RHBDL3: variants seen among roughly 807,000 people sequenced by gnomAD.
The protein encoded by RHBDL3 is rhomboid-related protein 3.
Under a neutral mutation model 48.2 loss-of-function variants are expected in RHBDL3, and 28 were observed. The observed-to-expected ratio is 0.58, with a 90% confidence interval of 0.43 to 0.80. The LOEUF (loss-of-function observed/expected upper bound fraction) is 0.80. RHBDL3 is among the 30% of genes least tolerant of loss of function. The probability of loss-of-function intolerance (pLI) is 0.00; values close to 1 mark genes in which losing one functional copy is unlikely to be tolerated. For missense variants in RHBDL3, 464 were observed against 542.7 expected (o/e 0.85, Z 1.44); for synonymous variants, 208 against 232.3 (o/e 0.90, Z 0.95).
chr17:32,317,451 A>G (rs1346993441), intron 8 of RHBDL3, among the ~76,000 whole-genome samples: 1 of 152,166 alleles, frequency 6.6e-6, no homozygotes, highest in Non-Finnish European at 1.5e-5. Context: ...TCAGGGCCCT[A>G]GTTGGGAGAG....
chr17:32,270,380 T>G (rs2039745432), intron 2 of RHBDL3, among the ~76,000 whole-genome samples: 1 of 151,702 alleles, frequency 6.6e-6, no homozygotes, highest in South Asian at 2.1e-4. Flanking sequence ...TTCCAGGTGT[T>G]AGGGATGGAT....
intron 1 of RHBDL3, 76 bp downstream of exon 1, chr17:32,266,376 C>T (rs2039630814): frequency 2.6e-6 from 2 of 755,790 alleles, no homozygotes; most frequent in African/African-American, 1.9e-5. Flanking sequence ...TCGCCCCACG[C>T]CGGGCAACTT....
At chr17:32,273,329 A>G (rs2039819823) in intron 2 of RHBDL3, among the ~76,000 whole-genome samples, 1 of 152,214 alleles carries the variant, frequency 6.6e-6, no homozygotes, top group South Asian at 2.1e-4. Flanking sequence ...AAATGAGGAA[A>G]CAGAAGTCAG....
intron 2 of RHBDL3, among the ~76,000 whole-genome samples, chr17:32,270,811 T>G (rs2039754388): frequency 6.6e-6 from 1 of 152,214 alleles, no homozygotes; most frequent in African/African-American, 2.4e-5. Flanking sequence ...CTTTTCATAT[T>G]TTGGAGATCT....
chr17:32,293,773 A>G (rs543843696), intron 4 of RHBDL3, among the ~76,000 whole-genome samples: 2 of 150,722 alleles, frequency 1.3e-5, no homozygotes, highest in Admixed American at 6.6e-5. Context: ...AAGAGACCCC[A>G]GGACCATGTT....
intron 7 of RHBDL3, among the ~76,000 whole-genome samples, chr17:32,306,477 C>A (rs1446768208): frequency 6.6e-6 from 1 of 152,186 alleles, no homozygotes; most frequent in African/African-American, 2.4e-5. Context: ...GGGCACCACT[C>A]CATTTCTCAC....
chr17:32,274,106 T>C (rs779636482), intron 2 of RHBDL3, among the ~76,000 whole-genome samples: 6 of 152,208 alleles, frequency 3.9e-5, no homozygotes, highest in Non-Finnish European at 7.3e-5. Context: ...GGCTGCCTGC[T>C]TTAGGGGAGA....
intron 7 of RHBDL3, among the ~76,000 whole-genome samples, chr17:32,314,652 C>T (rs1224721762): frequency 6.6e-6 from 1 of 152,166 alleles, no homozygotes; most frequent in Non-Finnish European, 1.5e-5. Flanking sequence ...TTGTTGGCTA[C>T]TTGGCAGTGG....
intron 3 of RHBDL3, among the ~76,000 whole-genome samples, chr17:32,285,301 C>A (rs764975888): frequency 2.0e-5 from 3 of 152,152 alleles, no homozygotes; most frequent in Non-Finnish European, 4.4e-5. Context: ...TTAAATCAAT[C>A]ATTGCCCCAC....
intron 5 of RHBDL3, among the ~76,000 whole-genome samples, chr17:32,296,780 ATTTTAT>A (rs961645393): frequency 3.0e-5 from 1 of 33,286 alleles, no homozygotes; most frequent in African/African-American, 1.1e-4. Context: ...GCTCTTTTTT[ATTTTAT>A]TTTATTTTAT....
rs201455379 is a variant in RHBDL3 at position 32,305,431 on chromosome 17, A to G, written c.872A>G (p.Asn291Ser). ...VYALVSAHLA[N>S]IVMNWSGMKC... Reference sequence around the variant, plus strand: ...GCTCTCGTCTCTGCCCATCTGGCCAACATTGTCATGGTGAGCACCTCCCGT... The same window carrying G: ...GCTCTCGTCTCTGCCCATCTGGCCAGCATTGTCATGGTGAGCACCTCCCGT... The change falls in exon 7 of 9, where the codon AAC (asparagine) becomes AGC (serine). Residue 291 changes from asparagine to serine, a missense_variant. Physicochemically the swap from Asn to Ser is conservative, Grantham distance 46. Coordinates refer to ENST00000269051, the MANE Select transcript of RHBDL3 (RefSeq NM_138328.3). 1 of 1,609,018 alleles carries G rather than the reference A, an allele frequency of 6.2e-7. No individual in the cohort carries two copies. Among genetic ancestry groups the G allele is most frequent in the Non-Finnish European group, 8.5e-7 (1 of 1,175,390 alleles).
chr17:32,319,959 T>A (rs376158271), intron 8 of RHBDL3, among the ~76,000 whole-genome samples: 3 of 152,182 alleles, frequency 2.0e-5, no homozygotes, highest in East Asian at 3.9e-4. Flanking sequence ...GGATTGGTGA[T>A]CAGGATGAAG....
chr17:32,297,267 A>C (rs2040473009), intron 5 of RHBDL3, among the ~76,000 whole-genome samples: 1 of 150,242 alleles, frequency 6.7e-6, no homozygotes, highest in Non-Finnish European at 1.5e-5. Context: ...CAGGAGTTCG[A>C]GACCAGCCTG....
At chr17:32,267,154 A>C (rs2039652223) in intron 1 of RHBDL3, among the ~76,000 whole-genome samples, 1 of 152,128 alleles carries the variant, frequency 6.6e-6, no homozygotes, top group South Asian at 2.1e-4. Context: ...CCCCCAACCC[A>C]CACAACGAAA....
chr17:32,294,209 G>T, intron 4 of RHBDL3, 85 bp from the exon 5 acceptor site: 1 of 1,142,598 alleles, frequency 8.8e-7, no homozygotes, highest in Non-Finnish European at 1.3e-6. Context: ...ATAACTTCCT[G>T]TAGGGACTCC....
At chr17:32,272,796 C>T (rs985651972) in intron 2 of RHBDL3, among the ~76,000 whole-genome samples, 5 of 152,218 alleles carry the variant, frequency 3.3e-5, no homozygotes, top group Non-Finnish European at 5.9e-5. Context: ...TAGATACACA[C>T]GTTTGAGCGA....
rs529470087 is a variant in RHBDL3 at position 32,284,181 on chromosome 17, CA to C, written c.136-477del. The stretch of plus-strand genomic sequence containing the variant: ...GTGGGAGGGGCCATGGGAGGGCGGC[CA>C]GGGGCAGAAGGACTTGCAAGGCAGT... On this transcript the variant is annotated intron_variant, in intron 2 of 8. Coordinates refer to ENST00000269051, the MANE Select transcript of RHBDL3 (RefSeq NM_138328.3). 461 of 153,794 alleles carry C rather than the reference CA, an allele frequency of 3.0e-3. 1 individual carries two copies. The highest frequency in any genetic ancestry group is 3.7e-3 in the Non-Finnish European group (259 of 69,106). The allele number at this position is 153,794 out of a possible 1,614,324, so 9.5% of individuals were successfully genotyped here. A position where few individuals can be genotyped will look rare whatever the true frequency, so the allele number is the denominator to read the frequency against.
In RHBDL3 at chr17:32,270,875, CTGT is replaced by C. The variant is rs2039756167; in HGVS notation, c.135+2955_135+2957del. Reference sequence around the variant, plus strand: ...TTTAAAATTTACCATAAATATTAGTCTGTTGTTATAGTATAATATCGTAGTAAA... The same window carrying C: ...TTTAAAATTTACCATAAATATTAGTCTGTTATAGTATAATATCGTAGTAAA... On this transcript the variant is annotated intron_variant, in intron 2 of 8. Coordinates refer to ENST00000269051, the MANE Select transcript of RHBDL3 (RefSeq NM_138328.3). 5.3e-5 allele frequency among the ~76,000 whole-genome samples: 8 copies of C among 152,206 alleles called. No homozygotes were observed. In the South Asian group the frequency reaches 1.7e-3, roughly 32 times the overall value.
rs2039625431 is a variant in RHBDL3 at position 32,266,265 on chromosome 17, G to A, written c.76G>A (p.Glu26Lys). 7 of 1,467,784 alleles carry A rather than the reference G, an allele frequency of 4.8e-6. No individual in the cohort carries two copies. The highest frequency in any genetic ancestry group is 6.3e-6 in the Non-Finnish European group (7 of 1,116,882). 90.9% of individuals were successfully genotyped at this position (1,467,784 alleles called of 1,614,324 possible). A position where few individuals can be genotyped will look rare whatever the true frequency, so the allele number is the denominator to read the frequency against. Residue 26 changes from glutamate to lysine, a missense_variant, in exon 1 of 9, where the codon GAG becomes AAG. By Grantham distance (56) the Glu-to-Lys change is moderately conservative (BLOSUM62 1). Transcript: ENST00000269051. The stretch of plus-strand genomic sequence containing the variant: ...GGAGCGCATCGAGGAGCTGGAACCC[G>A]AGGCCGAGGAGCGGCTGCCCGCGGC... ...EAERIEELEPEAEERLPAAPE... is the reference protein window; with the variant it reads ...EAERIEELEPKAEERLPAAPE...
Sources: allele counts gnomAD v4.1 joint callset (sites outside exome capture counted in the v4.1 genomes callset), GRCh38; gene constraint gnomAD v4.1.1; transcripts MANE v1.5; gene names NCBI Gene and HGNC (gene_info 2026-07-23, HGNC 2026-07-21).